The following HSPG2 variants were observed in gnomAD, a reference collection of about 807,000 sequenced individuals.
HSPG2 encodes the protein basement membrane-specific heparan sulfate proteoglycan core protein.
In HSPG2, 278 loss-of-function variants were observed where a neutral mutation model predicts 526.6. That is an observed-to-expected ratio of 0.53 (90% CI 0.48 to 0.58). The LOEUF is 0.58. Among genes scored for constraint, HSPG2 ranks in the 20% least tolerant of loss-of-function variants. The probability of loss-of-function intolerance (pLI) is 0.00; values close to 1 mark genes in which losing one functional copy is unlikely to be tolerated. For synonymous variants in HSPG2, 2,465 were observed against 2,555.4 expected (o/e 0.96, Z 1.07); for missense variants, 5,354 against 6,099.5 (o/e 0.88, Z 4.07).
chr1:21,935,006 A>G (rs1000964939), intron 1 of HSPG2, among the ~76,000 whole-genome samples: 1 of 152,030 alleles, frequency 6.6e-6, no homozygotes, highest in Non-Finnish European at 1.5e-5. Flanking sequence ...TCCTGGGTTC[A>G]AGCGATTCTC....
chr1:21,847,549 C>T lies in HSPG2; in HGVS notation c.8026-57G>A, dbSNP rs540081110. On this transcript the variant is annotated intron_variant, in intron 61 of 96. Transcript: ENST00000374695. This position sits in a 1 kb window ranked among gnomAD's most constrained non-coding sequence, Gnocchi z 4.1. ...GGGAGTGGAGGGACGCTGGGGTCACCAGCTGGCTCAGGCCTTCCTGCTCAG... is the reference window on the plus strand; with the variant it reads ...GGGAGTGGAGGGACGCTGGGGTCACTAGCTGGCTCAGGCCTTCCTGCTCAG... The T allele has an allele frequency of 4.2e-5, 68 of 1,610,530 alleles. No homozygotes were observed. In the African/African-American group the frequency reaches 8.0e-4, roughly 19 times the overall value.
chr1:21,839,597 G>T lies in HSPG2; in HGVS notation c.9710-47C>A. Reference sequence around the variant, plus strand: ...GACAGAAGTCACTGGGCTACCTCAGGGACCCGCAGAGGGTGGCCATGGTGA... The same window carrying T: ...GACAGAAGTCACTGGGCTACCTCAGTGACCCGCAGAGGGTGGCCATGGTGA... On this transcript the variant is annotated intron_variant, in intron 72 of 96. Coordinates refer to ENST00000374695, the MANE Select transcript of HSPG2 (RefSeq NM_005529.7). This position sits in a 1 kb window ranked among gnomAD's most constrained non-coding sequence, Gnocchi z 4.5. The T allele has an allele frequency of 6.2e-7, 1 of 1,602,638 alleles. No individual in the cohort carries two copies. The highest frequency in any genetic ancestry group is 1.1e-5 in the South Asian group (1 of 89,956).
Position 21,865,582 on chromosome 1 carries a change from G to A in HSPG2, c.4314+135C>T. The A allele has an allele frequency of 2.2e-6, 2 of 897,794 alleles. No homozygotes were observed. Among genetic ancestry groups the A allele is most frequent in the South Asian group, 2.7e-5 (2 of 75,362 alleles). The allele number at this position is 897,794 out of a possible 1,614,324, so 55.6% of individuals were successfully genotyped here. A position where few individuals can be genotyped will look rare whatever the true frequency, so the allele number is the denominator to read the frequency against. On this transcript the variant is annotated intron_variant, in intron 34 of 96. Coordinates refer to ENST00000374695, the MANE Select transcript of HSPG2 (RefSeq NM_005529.7). The surrounding 1 kb of genome is among the most constrained non-coding windows in gnomAD (Gnocchi z 5.4). ...AGTGTCCAACCAGGCAGGGATGTGG[G>A]GGCATGGGCCTAACTCCCCCAGCCT...
At chr1:21,919,215 C>T (rs925588355) in intron 1 of HSPG2, among the ~76,000 whole-genome samples, 8 of 152,158 alleles carry the variant, frequency 5.3e-5, no homozygotes, top group Non-Finnish European at 1.0e-4. Flanking sequence ...CACTTGAGGT[C>T]GGGAGTTTGA....
Position 21,859,559 on chromosome 1 carries a change from G to C in HSPG2, c.5293+7C>G. The C allele has an allele frequency of 6.3e-7, 1 of 1,576,946 alleles. No homozygotes were observed. The highest frequency in any genetic ancestry group is 8.6e-7 in the Non-Finnish European group (1 of 1,158,734). On this transcript the variant is annotated splice_region_variant and intron_variant, in intron 42 of 96. Coordinates refer to ENST00000374695, the MANE Select transcript of HSPG2 (RefSeq NM_005529.7). This position sits in a 1 kb window ranked among gnomAD's most constrained non-coding sequence, Gnocchi z 5.3. ...CAGTCTTGGTTACAGGGGGCGTAGG[G>C]ACTCACCAGTGACCAGCAGCTCTGC...
chr1:21,881,773 T>A (rs1437385394), intron 13 of HSPG2, among the ~76,000 whole-genome samples: 1 of 151,036 alleles, frequency 6.6e-6, no homozygotes, highest in Non-Finnish European at 1.5e-5. Flanking sequence ...TGAAACCTCG[T>A]CTCTACTAAA....
At chr1:21,915,046 C>T (rs985277527) in intron 1 of HSPG2, among the ~76,000 whole-genome samples, 1 of 146,538 alleles carries the variant, frequency 6.8e-6, no homozygotes, top group East Asian at 2.1e-4. Context: ...ATGTTCCTGA[C>T]CAGGCGGAGG....
chr1:21,906,267 G>A (rs1220874135), intron 1 of HSPG2, among the ~76,000 whole-genome samples: 1 of 152,222 alleles, frequency 6.6e-6, no homozygotes, highest in Non-Finnish European at 1.5e-5. Flanking sequence ...GGGTGGGTGG[G>A]GGCCTCGGAG....
chr1:21,913,711 A>G lies in HSPG2; in HGVS notation c.64-17401T>C, dbSNP rs12732887. ...GGGCACAGGGAAGGAGGAGAAGGCT[A>G]GAAGGGGAACCCCCAAAAGATTGAG... On this transcript the variant is annotated intron_variant, in intron 1 of 96. Transcript: ENST00000374695. Among the ~76,000 whole-genome samples, 1,058 of 152,362 alleles carry G rather than the reference A, an allele frequency of 6.9e-3. 14 individuals carry two copies. Among genetic ancestry groups the G allele is most frequent in the South Asian group, 0.024 (114 of 4,832 alleles).
intron 33 of HSPG2, chr1:21,870,748 G>A (rs1485217749): frequency 6.4e-6 from 5 of 783,630 alleles, no homozygotes; most frequent in Non-Finnish European, 7.7e-6. Context: ...TGGGCACTGC[G>A]CATCTCCCCA....
chr1:21,851,320 G>C (rs1638877573), intron 55 of HSPG2: 1 of 618,894 alleles, frequency 1.6e-6, no homozygotes, highest in African/African-American at 1.8e-5. Flanking sequence ...CTATAGCACA[G>C]AGAGGTTAAG....
At chr1:21,916,339 G>A (rs1046314729) in intron 1 of HSPG2, among the ~76,000 whole-genome samples, 23 of 151,892 alleles carry the variant, frequency 1.5e-4, no homozygotes, top group African/African-American at 5.6e-4. Flanking sequence ...GTCTCTATTA[G>A]TAATACAAAA....
At chr1:21,876,727 A>C in intron 21 of HSPG2, 75 bp from the exon 22 acceptor site, 1 of 1,592,028 alleles carries the variant, frequency 6.3e-7, no homozygotes. Context: ...ATCCACCCTC[A>C]GTCCAGATAA....
rs1482101778 is a variant in HSPG2, at chr1:21,893,029, CG to C, written c.245-2336del. Among the ~76,000 whole-genome samples, 1 of 152,084 alleles carries C rather than the reference CG, an allele frequency of 6.6e-6. No homozygotes were observed. The highest frequency in any genetic ancestry group is 1.5e-5 in the Non-Finnish European group (1 of 67,998). ...GGTGAGTTCCCTTGGAGCCAGAGGC[CG>C]GGAGAGGGAGACAGCTGCCCTGCAC... On this transcript the variant is annotated intron_variant, in intron 3 of 96. Transcript: ENST00000374695. This position sits in a 1 kb window ranked among gnomAD's most constrained non-coding sequence, Gnocchi z 4.3.
chr1:21,918,776 C>T (rs1451581458), intron 1 of HSPG2, among the ~76,000 whole-genome samples: 1 of 152,174 alleles, frequency 6.6e-6, no homozygotes, highest in African/African-American at 2.4e-5. Flanking sequence ...AATAAAGGGT[C>T]TACAGAATTA....
At chr1:21,923,661 G>A (rs761677140) in intron 1 of HSPG2, among the ~76,000 whole-genome samples, 1 of 152,110 alleles carries the variant, frequency 6.6e-6, no homozygotes, top group South Asian at 2.1e-4. Context: ...CCAGAGGTCT[G>A]GTGGCCCTGA....
Position 21,836,927 on chromosome 1 carries a change from G to C in HSPG2, c.10230C>G (p.Thr3410=). ...PTVQVTPQLE[T]KSIGASVEFH... is the part of the protein sequence containing the mutation. ...ACTCAACGCTGGCCCCAATGCTCTTGGTCTCTAGCTGAGGCGTGACCTGCA... is the reference window on the plus strand; with the variant it reads ...ACTCAACGCTGGCCCCAATGCTCTTCGTCTCTAGCTGAGGCGTGACCTGCA... Residue 3410 remains threonine (T), a synonymous_variant, in exon 75 of 97, where the codon ACC becomes ACG. Transcript: ENST00000374695. 6.4e-7 allele frequency: 1 copy of C among 1,558,264 alleles called. No individual in the cohort carries two copies. The highest frequency in any genetic ancestry group is 8.7e-7 in the Non-Finnish European group (1 of 1,150,816).
At chr1:21,833,022 T>G in intron 80 of HSPG2, 1 of 586,386 alleles carries the variant, frequency 1.7e-6, no homozygotes, top group Non-Finnish European at 3.1e-6. Flanking sequence ...CTGGGGGTGA[T>G]GCCCCGGTGG....
chr1:21,925,987 G>A (rs1279180004), intron 1 of HSPG2, among the ~76,000 whole-genome samples: 2 of 151,646 alleles, frequency 1.3e-5, no homozygotes, highest in African/African-American at 2.4e-5. Context: ...GAGCCACCAC[G>A]CCCGGCTAAT....
Sources: gnomAD v4.1 joint callset for allele counts (sites outside exome capture counted in the v4.1 genomes callset) on GRCh38, gnomAD v4.1.1 for gene constraint, Gnocchi (gnomAD v3.1) non-coding constraint, MANE v1.5 for transcripts, NCBI Gene and HGNC (gene_info 2026-07-23, HGNC 2026-07-21) for gene names.